CALN1: variants seen among roughly 807,000 people sequenced by gnomAD.
CALN1 encodes calcium-binding protein 8.
CALN1 carries 17 observed loss-of-function variants against 30.6 expected under a neutral mutation model. The observed-to-expected ratio is 0.56, with a 90% confidence interval of 0.38 to 0.83. The LOEUF is 0.83. Ranked by LOEUF, CALN1 falls within the 40% of genes least tolerant of loss-of-function variation. The pLI is 0.00. For missense variants in CALN1, 291 were observed against 354.9 expected, an observed-to-expected ratio of 0.82 and a Z score of 1.45; for synonymous variants, 156 against 131.4, an observed-to-expected ratio of 1.19 and a Z score of -1.28.
chr7:71,984,536 A>G lies in CALN1; in HGVS notation c.501+39121T>C, dbSNP rs571280396. Among the ~76,000 whole-genome samples, 6 of 152,316 alleles carry G rather than the reference A, an allele frequency of 3.9e-5. No homozygotes were observed. In the South Asian group the frequency reaches 1.2e-3, roughly 32 times the overall value. ...ACGCACTGGAGAGAACATTTGGACC[A>G]TGCTGACTGGTTCCAGCCTCCAGTG... On this transcript the variant is annotated intron_variant, in intron 5 of 6. Coordinates refer to ENST00000395275, the MANE Select transcript of CALN1 (RefSeq NM_031468.4).
At chr7:72,221,367 G>A (rs1056229561) in intron 3 of CALN1, among the ~76,000 whole-genome samples, 6 of 144,598 alleles carry the variant, frequency 4.1e-5, no homozygotes, top group African/African-American at 1.6e-4. Flanking sequence ...GCCCAGGCTG[G>A]AGTGCAGTGG....
intron 5 of CALN1, among the ~76,000 whole-genome samples, chr7:71,813,114 A>G (rs1239989842): frequency 1.3e-5 from 2 of 151,764 alleles, no homozygotes; most frequent in Non-Finnish European, 2.9e-5. Context: ...ACACCTAGCT[A>G]ATTTTTGTAT....
chr7:71,895,027 T>C (rs1300575732), intron 5 of CALN1, among the ~76,000 whole-genome samples: 2 of 152,022 alleles, frequency 1.3e-5, no homozygotes, highest in Non-Finnish European at 2.9e-5. Flanking sequence ...CAGTCTTGGC[T>C]CACAGCAACC....
intron 3 of CALN1, among the ~76,000 whole-genome samples, chr7:72,179,076 G>A (rs759457177): frequency 1.3e-5 from 2 of 152,166 alleles, no homozygotes; most frequent in Non-Finnish European, 2.9e-5. Flanking sequence ...TTTCTCACAT[G>A]CAAGCAAGTT....
intron 5 of CALN1, among the ~76,000 whole-genome samples, chr7:71,978,967 T>C (rs1028413579): frequency 1.3e-4 from 20 of 152,206 alleles, no homozygotes; most frequent in Non-Finnish European, 8.8e-5. Context: ...TCAAGGATGT[T>C]TGCAGAGAGA....
At chr7:72,370,362 C>T (rs1358541050) in intron 2 of CALN1, among the ~76,000 whole-genome samples, 3 of 152,128 alleles carry the variant, frequency 2.0e-5, no homozygotes, top group East Asian at 1.9e-4. Context: ...ATTTCAAAAG[C>T]TCTTCATATG....
intron 5 of CALN1, among the ~76,000 whole-genome samples, chr7:71,964,833 G>C (rs1229476664): frequency 1.3e-5 from 2 of 151,986 alleles, no homozygotes; most frequent in Non-Finnish European, 2.9e-5. Flanking sequence ...ATGGGCTTTG[G>C]GTAAGAGTCT....
At chr7:72,166,345 G>A (rs568615547) in intron 3 of CALN1, among the ~76,000 whole-genome samples, 3 of 152,212 alleles carry the variant, frequency 2.0e-5, no homozygotes. Flanking sequence ...GGGACTACAA[G>A]TATGAGCCAT....
chr7:72,133,931 G>A (rs1036226356), intron 3 of CALN1, among the ~76,000 whole-genome samples: 1 of 152,202 alleles, frequency 6.6e-6, no homozygotes. Flanking sequence ...AAAGCTAAAT[G>A]CTACAGTTTG....
At chr7:72,008,293 C>T (rs1799884629) in intron 5 of CALN1, among the ~76,000 whole-genome samples, 1 of 151,960 alleles carries the variant, frequency 6.6e-6, no homozygotes, top group Non-Finnish European at 1.5e-5. Context: ...TCCCAAATAA[C>T]TATTGAGTGA....
At chr7:71,921,042 C>G (rs934905785) in intron 5 of CALN1, among the ~76,000 whole-genome samples, 2 of 152,308 alleles carry the variant, frequency 1.3e-5, no homozygotes, top group Non-Finnish European at 2.9e-5. Flanking sequence ...AGGATGCGTT[C>G]ATGTCCTTTG....
At chr7:71,924,375 T>C (rs551822119) in intron 5 of CALN1, among the ~76,000 whole-genome samples, 56 of 152,026 alleles carry the variant, frequency 3.7e-4, no homozygotes, top group Admixed American at 6.6e-4. Flanking sequence ...TGGCGAGAGG[T>C]ATAAAATTAA....
At chr7:72,332,276 C>T (rs1380791260) in intron 2 of CALN1, among the ~76,000 whole-genome samples, 1 of 152,042 alleles carries the variant, frequency 6.6e-6, no homozygotes, top group Non-Finnish European at 1.5e-5. Context: ...TATTTACACC[C>T]ACTTTTAGTT....
chr7:72,403,513 T>G lies in CALN1; in HGVS notation c.-73-71A>C, dbSNP rs775144993. 6.4e-4 allele frequency: 375 copies of G among 582,460 alleles called. 1 individual carries two copies. The highest frequency in any genetic ancestry group is 1.4e-3 in the Admixed American group (47 of 32,498). The allele number at this position is 582,460 out of a possible 1,614,324, so 36.1% of individuals were successfully genotyped here. The stretch of plus-strand genomic sequence containing the variant: ...ATTATTCTTCTCAAAGCCTGCCGCC[T>G]AAATAATTCACACCCTCCCTTCCGT... On this transcript the variant is annotated intron_variant, in intron 1 of 6. Transcript: ENST00000395275.
intron 3 of CALN1, among the ~76,000 whole-genome samples, chr7:72,273,418 T>C (rs1250297408): frequency 2.3e-5 from 2 of 88,286 alleles, no homozygotes; most frequent in African/African-American, 3.7e-5. Flanking sequence ...CAAGACTCCA[T>C]CTCAAAAAAA....
intron 1 of CALN1, among the ~76,000 whole-genome samples, chr7:72,436,019 G>GC (rs539821391): frequency 8.5e-5 from 13 of 152,150 alleles, no homozygotes; most frequent in Non-Finnish European, 1.9e-4. Context: ...GCTATGAGAT[G>GC]CCCCCCAGCC....
At chr7:72,028,046 G>A (rs113499725) in intron 4 of CALN1, among the ~76,000 whole-genome samples, 6,107 of 124,488 alleles carry the variant, frequency 0.049, 187 homozygotes, top group Admixed American at 0.11. Context: ...GCGACAGAGC[G>A]AGACTCCGTC....
chr7:72,064,495 T>A (rs1803884859), intron 4 of CALN1, among the ~76,000 whole-genome samples: 1 of 152,172 alleles, frequency 6.6e-6, no homozygotes, highest in South Asian at 2.1e-4. Flanking sequence ...TTAGATTGGG[T>A]AACTGATCCA....
At chr7:72,071,891 G>C (rs1804419530) in intron 4 of CALN1, among the ~76,000 whole-genome samples, 1 of 152,090 alleles carries the variant, frequency 6.6e-6, no homozygotes, top group South Asian at 2.1e-4. Context: ...AGAAAACAAT[G>C]TTATAAAGAA....
Sources: gnomAD v4.1 joint callset for allele counts (sites outside exome capture counted in the v4.1 genomes callset) on GRCh38, gnomAD v4.1.1 for gene constraint, MANE v1.5 for transcripts, NCBI Gene and HGNC (gene_info 2026-07-23, HGNC 2026-07-21) for gene names.